The following CACNG2 variants were observed in gnomAD, a reference collection of about 807,000 sequenced individuals.
CACNG2 encodes voltage-dependent calcium channel gamma-2 subunit.
In CACNG2, 3 loss-of-function variants were observed where a neutral mutation model predicts 25.9. The observed-to-expected ratio is 0.12, with a 90% CI of 0.05 to 0.30. The LOEUF (loss-of-function observed/expected upper bound fraction) is 0.30, where lower values mean the gene tolerates loss of function less well. CACNG2 is among the 10% of genes least tolerant of loss of function. The pLI, the probability that CACNG2 is intolerant of heterozygous loss-of-function variation, is 1.00. For missense variants in CACNG2, 341 were observed against 432.5 expected (o/e 0.79, Z 1.88); for synonymous variants, 167 against 173.3 (o/e 0.96, Z 0.29).
rs1935061163 is a variant in CACNG2, at chr22:36,563,365, C to CT, written c.*985_*986insA. 1.0e-4 allele frequency among the ~76,000 whole-genome samples: 7 copies of CT among 70,090 alleles called. No homozygotes were observed. Among genetic ancestry groups the CT allele is most frequent in the Admixed American group, 2.7e-4 (2 of 7,314 alleles). 46.0% of individuals were successfully genotyped at this position (70,090 alleles called of 152,430 possible). ...AGGAGGGAGAGCTGTTTCATGTCCC[C>CT]CGGGGGGGGGGGTGGCATCTCCTGA... On this transcript the variant is annotated 3_prime_UTR_variant, in exon 4 of 4. Coordinates refer to ENST00000300105, the MANE Select transcript of CACNG2 (RefSeq NM_006078.5).
rs1195188594 is a variant in CACNG2 at position 36,563,950 on chromosome 22, C to G, written c.*401G>C. 6.7e-6 allele frequency: 1 copy of G among 149,324 alleles called. No homozygotes were observed. Among genetic ancestry groups the G allele is most frequent in the Non-Finnish European group, 1.5e-5 (1 of 68,656 alleles). The allele number at this position is 149,324 out of a possible 1,614,324, so 9.2% of individuals were successfully genotyped here. A position where few individuals can be genotyped will look rare whatever the true frequency, so the allele number is the denominator to read the frequency against. On this transcript the variant is annotated 3_prime_UTR_variant, in exon 4 of 4. Transcript: ENST00000300105. ...TTTTGCTTTAATGTTATCTTGGTTC[C>G]CTTTTATTTTTTCATTTAAATTGAT...
intron 1 of CACNG2, among the ~76,000 whole-genome samples, chr22:36,658,617 C>T (rs528373816): frequency 7.4e-4 from 112 of 152,266 alleles, no homozygotes; most frequent in Non-Finnish European, 1.2e-3. Context: ...AAATTCCTTC[C>T]GTCCTTTATT....
At chr22:36,614,414 C>T (rs902946148) in intron 1 of CACNG2, among the ~76,000 whole-genome samples, 3 of 152,206 alleles carry the variant, frequency 2.0e-5, no homozygotes, top group Admixed American at 6.5e-5. Context: ...AATCCTGAGC[C>T]GGCAGCTCCT....
chr22:36,640,431 G>A (rs1936425289), intron 1 of CACNG2, among the ~76,000 whole-genome samples: 1 of 152,214 alleles, frequency 6.6e-6, no homozygotes. Flanking sequence ...TCACGGAGGA[G>A]CAGTGCCTCT....
rs575825982 is a variant in CACNG2 at position 36,702,276 on chromosome 22, A to G, written c.211+90T>C. On this transcript the variant is annotated intron_variant, in intron 1 of 3. Coordinates refer to ENST00000300105, the MANE Select transcript of CACNG2 (RefSeq NM_006078.5). ...GTGAACTAAGAAAATGGTGGAATGT[A>G]AAGGGGACTTATTTGGAGGAGGGTG... 204 of 796,980 alleles carry G rather than the reference A, an allele frequency of 2.6e-4. 3 individuals carry two copies. The South Asian group carries it at 3.2e-3, about 12-fold the overall frequency. 49.4% of individuals were successfully genotyped at this position (796,980 alleles called of 1,614,324 possible).
chr22:36,604,455 G>A (rs567923888), intron 1 of CACNG2, among the ~76,000 whole-genome samples: 3 of 152,344 alleles, frequency 2.0e-5, no homozygotes, highest in African/African-American at 7.2e-5. Flanking sequence ...AAGTTCAACT[G>A]TGGATAAAAA....
intron 1 of CACNG2, among the ~76,000 whole-genome samples, chr22:36,644,873 G>A (rs1936495552): frequency 6.6e-6 from 1 of 151,958 alleles, no homozygotes; most frequent in African/African-American, 2.4e-5. Flanking sequence ...TGGTAATGGG[G>A]TCATCTCTAG....
chr22:36,676,932 TTGTGTGTGTG>T (rs138729815), intron 1 of CACNG2, among the ~76,000 whole-genome samples: 20 of 141,760 alleles, frequency 1.4e-4, no homozygotes, highest in African/African-American at 3.2e-4. Flanking sequence ...TCTTCTAATA[TTGTGTGTGTG>T]TGTGTGTGTG....
intron 1 of CACNG2, among the ~76,000 whole-genome samples, chr22:36,694,073 A>T (rs905271609): frequency 1.3e-5 from 2 of 152,182 alleles, no homozygotes; most frequent in African/African-American, 4.8e-5. Context: ...ATTCTGCTCT[A>T]TGCTGCTTCC....
chr22:36,564,191 T>TTG lies in CACNG2; in HGVS notation c.*158_*159dup, dbSNP rs1274016093. ...TACTTGTTATGTTTTTTCTCTTTTT[T>TTG]TGTGTGTGTGTGTTTTTTTGTTTTT... On this transcript the variant is annotated 3_prime_UTR_variant, in exon 4 of 4. Coordinates refer to ENST00000300105, the MANE Select transcript of CACNG2 (RefSeq NM_006078.5). The surrounding 1 kb of genome is among the most constrained non-coding windows in gnomAD (Gnocchi z 6.7). The TTG allele has an allele frequency of 3.0e-5, 17 of 564,616 alleles. No homozygotes were observed. The highest frequency in any genetic ancestry group is 1.5e-4 in the Admixed American group (4 of 27,004). The allele number at this position is 564,616 out of a possible 1,614,324, so 35.0% of individuals were successfully genotyped here. A position where few individuals can be genotyped will look rare whatever the true frequency, so the allele number is the denominator to read the frequency against.
chr22:36,622,681 G>C (rs1018272226), intron 1 of CACNG2, among the ~76,000 whole-genome samples: 4 of 152,170 alleles, frequency 2.6e-5, no homozygotes, highest in South Asian at 4.1e-4. Flanking sequence ...GACAAGGGCT[G>C]GGCGCGGTGG....
intron 2 of CACNG2, among the ~76,000 whole-genome samples, chr22:36,570,213 T>C (rs1056505634): frequency 6.6e-6 from 1 of 152,002 alleles, no homozygotes; most frequent in African/African-American, 2.4e-5. Context: ...CTGGGATGCA[T>C]GCGTGTGGGC....
chr22:36,667,155 A>G (rs1245589538), intron 1 of CACNG2, among the ~76,000 whole-genome samples: 1 of 152,044 alleles, frequency 6.6e-6, no homozygotes, highest in Admixed American at 6.5e-5. Flanking sequence ...ACCCGTGGCT[A>G]AGACGGGGTT....
Position 36,596,946 on chromosome 22 carries a change from C to T in CACNG2, c.212-9398G>A, listed in dbSNP as rs139521974. ...TGAATTTTTTTTGTAGAGATGGGGT[C>T]TCGCCATGTTGCCTAGGCTGTTCTT... On this transcript the variant is annotated intron_variant, in intron 1 of 3. Coordinates refer to ENST00000300105, the MANE Select transcript of CACNG2 (RefSeq NM_006078.5). Among the ~76,000 whole-genome samples, 242 of 151,952 alleles carry T rather than the reference C, an allele frequency of 1.6e-3. 1 individual carries two copies. Among genetic ancestry groups the T allele is most frequent in the African/African-American group, 5.0e-3 (209 of 41,400 alleles).
In CACNG2 at chr22:36,581,503, C is replaced by T. The variant is rs16996960; in HGVS notation, c.295+5962G>A. 3.2e-3 allele frequency among the ~76,000 whole-genome samples: 490 copies of T among 152,330 alleles called. 6 individuals carry two copies. The highest frequency in any genetic ancestry group is 0.01 in the African/African-American group (435 of 41,566). ...CATCCTTTCCACCCCCGGAGATGAGCTCTGAACTGCTGTCCAGCCATGCTC... is the reference window on the plus strand; with the variant it reads ...CATCCTTTCCACCCCCGGAGATGAGTTCTGAACTGCTGTCCAGCCATGCTC... On this transcript the variant is annotated intron_variant, in intron 2 of 3. Coordinates refer to ENST00000300105, the MANE Select transcript of CACNG2 (RefSeq NM_006078.5).
chr22:36,562,440 G>C lies in CACNG2; in HGVS notation c.*1911C>G, dbSNP rs529388620. The C allele has an allele frequency of 6.6e-6, 1 of 152,220 alleles. No individual in the cohort carries two copies. Among genetic ancestry groups the C allele is most frequent in the South Asian group, 2.1e-4 (1 of 4,812 alleles). 9.4% of individuals were successfully genotyped at this position (152,220 alleles called of 1,614,324 possible). Reference sequence around the variant, plus strand: ...TTCCGGAATCCAGTCCTGGATTCTAGACGGGTGCCCTTCCCATGCATGCGA... The same window carrying C: ...TTCCGGAATCCAGTCCTGGATTCTACACGGGTGCCCTTCCCATGCATGCGA... On this transcript the variant is annotated 3_prime_UTR_variant, in exon 4 of 4. Coordinates refer to ENST00000300105, the MANE Select transcript of CACNG2 (RefSeq NM_006078.5).
chr22:36,688,054 C>T (rs1937223707), intron 1 of CACNG2, among the ~76,000 whole-genome samples: 1 of 152,112 alleles, frequency 6.6e-6, no homozygotes, highest in Non-Finnish European at 1.5e-5. Context: ...AACATACACT[C>T]CCACTGGTAT....
chr22:36,574,233 G>A (rs571777265), intron 2 of CACNG2, among the ~76,000 whole-genome samples: 1 of 152,334 alleles, frequency 6.6e-6, no homozygotes, highest in East Asian at 1.9e-4. Flanking sequence ...TGGCTCCAGG[G>A]AAGCAGTGAG....
intron 2 of CACNG2, among the ~76,000 whole-genome samples, chr22:36,574,349 G>A (rs1169770203): frequency 6.6e-6 from 1 of 152,128 alleles, no homozygotes; most frequent in East Asian, 1.9e-4. Flanking sequence ...TTTAGGAGGT[G>A]AATTGAAGCT....
Sources: allele counts gnomAD v4.1 joint callset (sites outside exome capture counted in the v4.1 genomes callset), GRCh38; gene constraint gnomAD v4.1.1; non-coding constraint Gnocchi (gnomAD v3.1); transcripts MANE v1.5; gene names NCBI Gene and HGNC (gene_info 2026-07-23, HGNC 2026-07-21).